R3HDM1: variants seen among roughly 807,000 people sequenced by gnomAD.
R3HDM1 encodes the protein R3H domain-containing protein 1.
A neutral mutation model predicts 141.1 loss-of-function variants in R3HDM1; 46 were observed. The ratio of observed to expected loss-of-function variants is 0.33; its 90% confidence interval spans 0.26 to 0.42. R3HDM1 has a LOEUF of 0.42. Among genes scored for constraint, R3HDM1 ranks in the 10% least tolerant of loss-of-function variants. The probability of loss-of-function intolerance (pLI) is 1.00; values close to 1 mark genes in which losing one functional copy is unlikely to be tolerated. For missense variants in R3HDM1, 1,184 were observed against 1,368.3 expected (o/e 0.87, Z 2.12); for synonymous variants, 435 against 472.9 (o/e 0.92, Z 1.04).
At chr2:135,678,717 C>G (rs1007594213) in intron 20 of R3HDM1, among the ~76,000 whole-genome samples, 1 of 150,272 alleles carries the variant, frequency 6.7e-6, no homozygotes, top group South Asian at 2.1e-4. Flanking sequence ...TTATTAACGT[C>G]ATCATCATCA....
intron 21 of R3HDM1, among the ~76,000 whole-genome samples, chr2:135,685,793 A>C (rs2071227349): frequency 6.6e-6 from 1 of 152,238 alleles, no homozygotes; most frequent in Non-Finnish European, 1.5e-5. Flanking sequence ...GGGCTTTGGA[A>C]TCATAAAAAC....
intron 23 of R3HDM1, among the ~76,000 whole-genome samples, chr2:135,710,751 GA>G (rs1559495670): frequency 6.6e-6 from 1 of 152,172 alleles, no homozygotes; most frequent in Non-Finnish European, 1.5e-5. Flanking sequence ...AGATAAACTA[GA>G]TCTAAAATTT....
intron 1 of R3HDM1, chr2:135,559,173 A>G (rs968586299): frequency 3.9e-5 from 18 of 456,098 alleles, no homozygotes; most frequent in Non-Finnish European, 4.9e-5. Flanking sequence ...GTGCAGTGGC[A>G]TGATCACGAC....
At chr2:135,654,493 G>T (rs2065546051) in intron 18 of R3HDM1, among the ~76,000 whole-genome samples, 1 of 151,660 alleles carries the variant, frequency 6.6e-6, no homozygotes. Flanking sequence ...TTGTTGCCCA[G>T]GCTGGAATGC....
At chr2:135,553,937 A>G (rs1346286446) in intron 1 of R3HDM1, among the ~76,000 whole-genome samples, 3 of 152,084 alleles carry the variant, frequency 2.0e-5, no homozygotes, top group Non-Finnish European at 2.9e-5. Context: ...TGATCCGCCC[A>G]CCTTGCCTTC....
intron 3 of R3HDM1, among the ~76,000 whole-genome samples, chr2:135,610,229 A>G (rs990600417): frequency 6.6e-6 from 1 of 152,194 alleles, no homozygotes; most frequent in Non-Finnish European, 1.5e-5. Context: ...TCATCTGTAT[A>G]CATGTGTATA....
intron 20 of R3HDM1, among the ~76,000 whole-genome samples, 157 bp downstream of exon 20, chr2:135,675,643 A>G (rs928944481): frequency 1.9e-5 from 2 of 105,084 alleles, no homozygotes; most frequent in Non-Finnish European, 3.2e-5. Context: ...GTAATATACA[A>G]CTTTATAGTC....
At chr2:135,537,017 G>A (rs1166404071) in intron 1 of R3HDM1, among the ~76,000 whole-genome samples, 1 of 152,004 alleles carries the variant, frequency 6.6e-6, no homozygotes, top group Non-Finnish European at 1.5e-5. Flanking sequence ...CCACCAAACA[G>A]GTCCCTGGTG....
chr2:135,665,978 A>G (rs1460096524), intron 19 of R3HDM1, among the ~76,000 whole-genome samples: 2 of 152,182 alleles, frequency 1.3e-5, no homozygotes, highest in South Asian at 2.1e-4. Flanking sequence ...CTGTGAAACT[A>G]TACTTTTAGT....
At chr2:135,635,232 T>C (rs183353572) in intron 9 of R3HDM1, among the ~76,000 whole-genome samples, 60 of 152,328 alleles carry the variant, frequency 3.9e-4, no homozygotes, top group African/African-American at 1.3e-3. Context: ...CAAAATATTT[T>C]ATTACTTTCA....
chr2:135,581,410 G>T, intron 1 of R3HDM1: 1 of 982,510 alleles, frequency 1.0e-6, no homozygotes, highest in Non-Finnish European at 1.2e-6. Context: ...AATTATCTGT[G>T]TAGTCTTTGA....
chr2:135,561,053 A>G (rs902693556), intron 1 of R3HDM1, among the ~76,000 whole-genome samples: 13 of 152,242 alleles, frequency 8.5e-5, no homozygotes, highest in Non-Finnish European at 1.6e-4. Flanking sequence ...AACCAAGACA[A>G]AAGTCTTTCT....
At chr2:135,682,453 G>T (rs555223808) in intron 21 of R3HDM1, among the ~76,000 whole-genome samples, 1 of 152,166 alleles carries the variant, frequency 6.6e-6, no homozygotes, top group Admixed American at 6.5e-5. Context: ...GTGGATACAG[G>T]TGAGAGAGCA....
At chr2:135,643,075 A>G (rs537522458) in intron 15 of R3HDM1, among the ~76,000 whole-genome samples, 2 of 152,130 alleles carry the variant, frequency 1.3e-5, no homozygotes, top group South Asian at 4.2e-4. Context: ...TGAGAAACTG[A>G]TTGGTCTGAA....
chr2:135,532,542 T>A (rs1056733316), intron 1 of R3HDM1, among the ~76,000 whole-genome samples: 4 of 151,340 alleles, frequency 2.6e-5, no homozygotes, highest in Non-Finnish European at 5.9e-5. Context: ...AGCAAATGGT[T>A]TTTCTAATAA....
intron 1 of R3HDM1, among the ~76,000 whole-genome samples, chr2:135,593,039 C>T (rs1264483907): frequency 1.3e-5 from 2 of 152,042 alleles, no homozygotes; most frequent in African/African-American, 4.8e-5. Flanking sequence ...CCTGCCTCAG[C>T]CTTCCAAATA....
chr2:135,654,420 GTTTTC>G (rs1216656179), intron 18 of R3HDM1, among the ~76,000 whole-genome samples: 9 of 143,694 alleles, frequency 6.3e-5, no homozygotes, highest in African/African-American at 1.9e-4. Context: ...AATTTGGAAT[GTTTTC>G]TTTTGTTGTT....
chr2:135,560,387 C>T (rs1441140017), intron 1 of R3HDM1, among the ~76,000 whole-genome samples: 1 of 152,178 alleles, frequency 6.6e-6, no homozygotes, highest in East Asian at 1.9e-4. Context: ...GCTGTCTCGG[C>T]TCACTGCAAA....
chr2:135,674,748 T>C (rs1030569596), intron 19 of R3HDM1, among the ~76,000 whole-genome samples: 1 of 152,130 alleles, frequency 6.6e-6, no homozygotes, highest in African/African-American at 2.4e-5. Flanking sequence ...GAAGAAATAA[T>C]CTAAAAAATT....
Sources: gnomAD v4.1 joint callset for allele counts (sites outside exome capture counted in the v4.1 genomes callset) on GRCh38, gnomAD v4.1.1 for gene constraint, MANE v1.5 for transcripts, NCBI Gene and HGNC (gene_info 2026-07-23, HGNC 2026-07-21) for gene names.